Variants in DROSHA observed in about 807,000 individuals in gnomAD.
The protein encoded by DROSHA is drosha ribonuclease III, also known as ribonuclease 3.
A neutral mutation model predicts 181.9 loss-of-function variants in DROSHA; 56 were observed. The observed-to-expected ratio is 0.31, with a 90% CI of 0.25 to 0.38. DROSHA has a LOEUF of 0.38. Ranked by LOEUF, DROSHA falls within the 10% of genes least tolerant of loss-of-function variation. The pLI is 1.00. For missense variants in DROSHA, 1,218 were observed against 1,743.5 expected (o/e 0.70, Z 5.37); for synonymous variants, 524 against 591.2 (o/e 0.89, Z 1.65).
chr5:31,519,824 C>T (rs192789768), intron 6 of DROSHA, among the ~76,000 whole-genome samples: 1 of 152,308 alleles, frequency 6.6e-6, no homozygotes, highest in East Asian at 1.9e-4. Context: ...TTGACACATA[C>T]AATACAGATT....
At chr5:31,528,841 G>T (rs1242407841) in intron 4 of DROSHA, among the ~76,000 whole-genome samples, 199 bp downstream of exon 4, 1 of 152,190 alleles carries the variant, frequency 6.6e-6, no homozygotes, top group Non-Finnish European at 1.5e-5. Context: ...AGCGCTCTGG[G>T]ATTTCTATTA....
rs1420527098 is a variant in DROSHA at position 31,470,013 on chromosome 5, T to G, written c.2242-1950A>C. Among the ~76,000 whole-genome samples the G allele has an allele frequency of 6.6e-6, 1 of 152,218 alleles. No individual in the cohort carries two copies. The highest frequency in any genetic ancestry group is 1.5e-5 in the Non-Finnish European group (1 of 68,044). ...TGTGGTGTCTACCTTGTCGTATGAG[T>G]AACTTGCACACTTCTCAGTAGGATG... On this transcript the variant is annotated intron_variant, in intron 17 of 35. Coordinates refer to ENST00000344624, the MANE Select transcript of DROSHA (RefSeq NM_001382508.1). The surrounding 1 kb of genome is among the most constrained non-coding windows in gnomAD (Gnocchi z 4.0).
intron 30 of DROSHA, among the ~76,000 whole-genome samples, chr5:31,414,423 C>T (rs911002589): frequency 2.0e-5 from 3 of 152,142 alleles, no homozygotes; most frequent in African/African-American, 4.8e-5. Flanking sequence ...AACAATGCCT[C>T]GTGTTAGAGA....
chr5:31,409,337 G>C lies in DROSHA; in HGVS notation c.3668-5C>G. 1 of 1,564,250 alleles carries C rather than the reference G, an allele frequency of 6.4e-7. No homozygotes were observed. The highest frequency in any genetic ancestry group is 8.7e-7 in the Non-Finnish European group (1 of 1,153,662). Reference sequence around the variant, plus strand: ...TGTACAGCGCTGCAATAAATGCTGGGGAAAAAAGAATACTTTAAAATAAAC... The same window carrying C: ...TGTACAGCGCTGCAATAAATGCTGGCGAAAAAAGAATACTTTAAAATAAAC... On this transcript the variant is annotated splice_polypyrimidine_tract_variant and splice_region_variant and intron_variant, in intron 31 of 35. Coordinates refer to ENST00000344624, the MANE Select transcript of DROSHA (RefSeq NM_001382508.1). The surrounding 1 kb of genome is among the most constrained non-coding windows in gnomAD (Gnocchi z 4.0).
chr5:31,448,578 G>A lies in DROSHA; in HGVS notation c.2851C>T (p.Arg951Cys). The change falls in exon 23 of 36, where the codon CGC becomes TGC. Residue 951 changes from arginine to cysteine, a missense_variant. Arg to Cys is a radical substitution (Grantham distance 180). This residue lies in a region of DROSHA where 460 missense variants were observed against 774.2 expected (regional missense o/e 0.59). Transcript: ENST00000344624. ...GGAGTTGGGTCATCTTGGCCAAGGC[G>A]TGACATGATATTTATCAAGGTGTTA... ...GINTLINIMS[R>C]LGQDDPTPSR... 3.7e-6 allele frequency: 6 copies of A among 1,613,580 alleles called. No individual in the cohort carries two copies. The highest frequency in any genetic ancestry group is 2.2e-5 in the East Asian group (1 of 44,848).
intron 17 of DROSHA, among the ~76,000 whole-genome samples, chr5:31,469,991 G>A (rs1749549745): frequency 6.6e-6 from 1 of 152,114 alleles, no homozygotes; most frequent in Admixed American, 6.5e-5. Context: ...AATGTAGTGT[G>A]GTGTCTACCT....
At chr5:31,421,934 A>T (rs1378386) in intron 29 of DROSHA, 1 of 111,530 alleles carries the variant, frequency 9.0e-6, no homozygotes, top group African/African-American at 4.0e-5. Context: ...GTGTGTGTGT[A>T]TATAAATTAG....
rs924668134 is a variant in DROSHA at position 31,481,327 on chromosome 5, T to C, written c.2071+2227A>G. 3.9e-4 allele frequency among the ~76,000 whole-genome samples: 59 copies of C among 152,220 alleles called. 1 individual carries two copies. The highest frequency in any genetic ancestry group is 1.0e-4 in the Non-Finnish European group (7 of 68,040). ...ACCTTTTTCTTTATGACAACCTAAA[T>C]GTTATCCCCACATAGTTACGTGAGA... On this transcript the variant is annotated intron_variant, in intron 16 of 35. Transcript: ENST00000344624.
chr5:31,526,098 G>A lies in DROSHA; in HGVS notation c.835C>T (p.Arg279Cys), dbSNP rs201276010. The part of the protein sequence containing the change: ...YDRGRTPSRH[R>C]SYERSRERER... Reference sequence around the variant, plus strand: ...GTTTACCTGCTCCGTTCGTAGCTGCGGTGGCGAGATGGTGTTCTCCCTCGG... The same window carrying A: ...GTTTACCTGCTCCGTTCGTAGCTGCAGTGGCGAGATGGTGTTCTCCCTCGG... Residue 279 changes from arginine to cysteine, a missense_variant, in exon 5 of 36, where the codon CGC becomes TGC. Transcript: ENST00000344624. 1.2e-3 allele frequency: 1,907 copies of A among 1,595,804 alleles called. 1 individual carries two copies. The highest frequency in any genetic ancestry group is 1.6e-3 in the Non-Finnish European group (1,837 of 1,165,992).
At chr5:31,466,432 A>C (rs1048683728) in intron 18 of DROSHA, 151 bp from the exon 19 acceptor site, 1 of 658,958 alleles carries the variant, frequency 1.5e-6, no homozygotes, top group African/African-American at 1.8e-5. Flanking sequence ...AAGGAAGGCT[A>C]TGACTTTGAG....
chr5:31,452,512 G>T (rs516001), intron 20 of DROSHA, among the ~76,000 whole-genome samples: 1 of 151,914 alleles, frequency 6.6e-6, no homozygotes, highest in African/African-American at 2.4e-5. Flanking sequence ...ATACTATTTC[G>T]CAAGAACACA....
intron 20 of DROSHA, among the ~76,000 whole-genome samples, chr5:31,453,154 G>C (rs1747230570): frequency 6.6e-6 from 1 of 152,162 alleles, no homozygotes; most frequent in African/African-American, 2.4e-5. Flanking sequence ...ATCGCTGCCT[G>C]TCAGGAAAAT....
At chr5:31,456,801 G>A (rs565105066) in intron 20 of DROSHA, among the ~76,000 whole-genome samples, 14 of 152,120 alleles carry the variant, frequency 9.2e-5, no homozygotes, top group East Asian at 7.8e-4. Flanking sequence ...TCACTCTGTC[G>A]CCCATGCTGG....
chr5:31,501,154 A>G (rs1419750901), intron 11 of DROSHA, among the ~76,000 whole-genome samples: 3 of 152,216 alleles, frequency 2.0e-5, no homozygotes, highest in Non-Finnish European at 4.4e-5. Context: ...GAAAAGAGGA[A>G]TAGCAGACAG....
intron 23 of DROSHA, among the ~76,000 whole-genome samples, chr5:31,440,384 A>T (rs1451704996): frequency 6.6e-6 from 1 of 152,256 alleles, no homozygotes; most frequent in Non-Finnish European, 1.5e-5. Flanking sequence ...ATAGTAGAAA[A>T]TTTAAAATAT....
intron 27 of DROSHA, among the ~76,000 whole-genome samples, chr5:31,428,139 G>C (rs1281081625): frequency 6.6e-6 from 1 of 152,194 alleles, no homozygotes; most frequent in Non-Finnish European, 1.5e-5. Context: ...ACAACTGGGA[G>C]AGAGGCAGTT....
intron 3 of DROSHA, among the ~76,000 whole-genome samples, chr5:31,529,946 T>TA (rs1741074034): frequency 6.6e-6 from 1 of 152,158 alleles, no homozygotes; most frequent in African/African-American, 2.4e-5. Flanking sequence ...AAACATTTTT[T>TA]AAAAACTCAC....
chr5:31,462,461 T>A (rs1477142175), intron 20 of DROSHA, among the ~76,000 whole-genome samples: 1 of 151,922 alleles, frequency 6.6e-6, no homozygotes, highest in Admixed American at 6.6e-5. Context: ...ACTGAGTGAG[T>A]CCTTTTGCCT....
intron 6 of DROSHA, among the ~76,000 whole-genome samples, chr5:31,517,927 AAAAG>A (rs1421156761): frequency 1.3e-5 from 2 of 152,240 alleles, no homozygotes; most frequent in African/African-American, 4.8e-5. Flanking sequence ...AACTAAAAAA[AAAAG>A]AAAAAGTACT....
Sources: gnomAD v4.1 joint callset for allele counts (sites outside exome capture counted in the v4.1 genomes callset) on GRCh38, gnomAD v4.1.1 for gene constraint, gnomAD v4.1.1 regional missense constraint, Gnocchi (gnomAD v3.1) non-coding constraint, MANE v1.5 for transcripts, NCBI Gene and HGNC (gene_info 2026-07-23, HGNC 2026-07-21) for gene names.